Variants in NDUFA5 observed in about 807,000 individuals in gnomAD.
NDUFA5 encodes the protein NADH dehydrogenase [ubiquinone] 1 alpha subcomplex subunit 5.
In NDUFA5, 11 loss-of-function variants were observed where a neutral mutation model predicts 19.8. That is an observed-to-expected ratio of 0.56 (90% CI 0.35 to 0.92). The LOEUF (loss-of-function observed/expected upper bound fraction) is 0.92. Ranked by LOEUF, NDUFA5 falls within the 40% of genes least tolerant of loss-of-function variation. NDUFA5 has a pLI of 0.01. For synonymous variants in NDUFA5, 47 were observed against 46.8 expected (o/e 1.00, Z -0.01); for missense variants, 109 against 134.2 (o/e 0.81, Z 0.93).
intron 2 of NDUFA5, chr7:123,555,307 A>G (rs1055604385): frequency 1.3e-5 from 2 of 152,244 alleles, no homozygotes; most frequent in African/African-American, 4.8e-5. Context: ...AGGAGAAACA[A>G]GGCAGAAAGG....
At chr7:123,572,877 T>C in the NDUFA5 span, among the ~76,000 whole-genome samples, 1 of 152,180 alleles carries the variant, frequency 6.6e-6, no homozygotes, top group Non-Finnish European at 1.5e-5. Flanking sequence ...ACCCTTATTT[T>C]ATGCTATTTA....
chr7:123,551,895 A>T (rs1798354330), intron 2 of NDUFA5, among the ~76,000 whole-genome samples: 1 of 152,184 alleles, frequency 6.6e-6, no homozygotes. Flanking sequence ...TTAAATTTTC[A>T]TCTTTCCTGA....
At chr7:123,578,468 A>G in the NDUFA5 span, among the ~76,000 whole-genome samples, 1 of 151,582 alleles carries the variant, frequency 6.6e-6, no homozygotes, top group Admixed American at 6.6e-5. Context: ...TTTTTCTGGA[A>G]CTTTGTTTCC....
rs745463755 is a variant in NDUFA5 at position 123,545,623 on chromosome 7, CT to C, written c.236del (p.Glu79GlyfsTer2). The C allele has an allele frequency of 1.8e-5, 29 of 1,610,930 alleles. No individual in the cohort carries two copies. Among genetic ancestry groups the C allele is most frequent in the Non-Finnish European group, 2.2e-5 (26 of 1,178,604 alleles). Reference sequence around the variant, plus strand: ...ACTTTTTCTTTACCTGAAGAATCACCTCTTCTAATTGACCGCCTTGAAGTTG... The same window carrying C: ...ACTTTTTCTTTACCTGAAGAATCACCCTTCTAATTGACCGCCTTGAAGTTG... The part of the protein sequence containing the change: ...EDQLQGGQLE[E>X]VILQAEHELN... On this transcript the variant is annotated frameshift_variant, in exon 4 of 5. Coordinates refer to ENST00000355749, the MANE Select transcript of NDUFA5 (RefSeq NM_005000.5). LOFTEE classifies it high-confidence loss of function.
the NDUFA5 span, among the ~76,000 whole-genome samples, chr7:123,565,354 C>A: frequency 1.3e-4 from 19 of 151,482 alleles, no homozygotes; most frequent in Admixed American, 1.1e-3. Flanking sequence ...AACAGACGCA[C>A]CCAGAAATGT....
chr7:123,594,760 C>T, the NDUFA5 span, among the ~76,000 whole-genome samples: 3 of 152,198 alleles, frequency 2.0e-5, no homozygotes, highest in Non-Finnish European at 4.4e-5. Flanking sequence ...CTTAAGGAGG[C>T]AGTCTGTCCA....
chr7:123,563,308 GAACACTT>G, the NDUFA5 span, among the ~76,000 whole-genome samples: 1 of 152,072 alleles, frequency 6.6e-6, no homozygotes, highest in Admixed American at 6.6e-5. Flanking sequence ...CCTTTCACAT[GAACACTT>G]AAAGGCCATT....
At chr7:123,567,195 T>G in the NDUFA5 span, 1 of 152,176 alleles carries the variant, frequency 6.6e-6, no homozygotes, top group Non-Finnish European at 1.5e-5. Context: ...CTAGTGATAG[T>G]AGAATTAGGA....
At chr7:123,554,516 G>A (rs746195424) in intron 2 of NDUFA5, among the ~76,000 whole-genome samples, 15 of 151,324 alleles carry the variant, frequency 9.9e-5, no homozygotes, top group Non-Finnish European at 2.1e-4. Context: ...ACTATGTGCC[G>A]TTCAAAGTAG....
chr7:123,547,518 TA>T (rs1337911002), intron 3 of NDUFA5, among the ~76,000 whole-genome samples: 3 of 152,064 alleles, frequency 2.0e-5, no homozygotes, highest in Non-Finnish European at 4.4e-5. Context: ...TGGCATTCAA[TA>T]AATGTTTCTT....
upstream of NDUFA5, among the ~76,000 whole-genome samples, chr7:123,560,132 C>T (rs1355096251): frequency 2.0e-5 from 3 of 152,082 alleles, no homozygotes; most frequent in African/African-American, 7.2e-5. Flanking sequence ...CAAATTTCAA[C>T]ATGCTTTCAT....
the NDUFA5 span, among the ~76,000 whole-genome samples, chr7:123,597,917 C>T: frequency 1.5e-5 from 2 of 132,974 alleles, no homozygotes; most frequent in Admixed American, 7.5e-5. Context: ...TTTCAAACTT[C>T]GTGTGTGTGT....
chr7:123,577,769 T>C, the NDUFA5 span, among the ~76,000 whole-genome samples: 1 of 152,128 alleles, frequency 6.6e-6, no homozygotes, highest in Non-Finnish European at 1.5e-5. Context: ...CCAGCTCATG[T>C]TTCTTCATCT....
At chr7:123,576,738 A>G in the NDUFA5 span, among the ~76,000 whole-genome samples, 5 of 152,158 alleles carry the variant, frequency 3.3e-5, no homozygotes, top group African/African-American at 1.2e-4. Flanking sequence ...CTTCACTGTG[A>G]AGATGAGTTC....
the NDUFA5 span, among the ~76,000 whole-genome samples, chr7:123,595,703 A>T: frequency 6.6e-6 from 1 of 152,312 alleles, no homozygotes; most frequent in Non-Finnish European, 1.5e-5. Context: ...ACTGGTGAGA[A>T]TCCCACATTC....
chr7:123,582,454 T>A, the NDUFA5 span, among the ~76,000 whole-genome samples: 1 of 152,004 alleles, frequency 6.6e-6, no homozygotes, highest in Non-Finnish European at 1.5e-5. Flanking sequence ...CCAAATTCTT[T>A]ACTCCAGTAT....
intron 4 of NDUFA5, among the ~76,000 whole-genome samples, chr7:123,544,539 G>A: frequency 6.7e-6 from 1 of 149,712 alleles, no homozygotes; most frequent in East Asian, 1.9e-4. Context: ...CTCTACATAT[G>A]GGGGAAAAAC....
the NDUFA5 span, among the ~76,000 whole-genome samples, chr7:123,578,442 T>C: frequency 6.6e-6 from 1 of 151,890 alleles, no homozygotes; most frequent in African/African-American, 2.4e-5. Context: ...ATACCCCTCT[T>C]TCCTCCTTCT....
chr7:123,551,566 T>G (rs1401382550), intron 2 of NDUFA5: 4 of 899,986 alleles, frequency 4.4e-6, no homozygotes, highest in Admixed American at 1.2e-4. Context: ...TAATTTTTCT[T>G]ATTTGAATTT....
Sources: allele counts gnomAD v4.1 joint callset (sites outside exome capture counted in the v4.1 genomes callset), GRCh38; gene constraint gnomAD v4.1.1; transcripts MANE v1.5; gene names NCBI Gene and HGNC (gene_info 2026-07-23, HGNC 2026-07-21).